Variants in KIF13B observed in about 807,000 individuals in gnomAD.
KIF13B encodes kinesin-like protein KIF13B.
A neutral mutation model predicts 222.0 loss-of-function variants in KIF13B; 127 were observed. The ratio of observed to expected loss-of-function variants is 0.57; its 90% CI spans 0.50 to 0.66. The LOEUF is 0.66. Ranked by LOEUF, KIF13B falls within the 30% of genes least tolerant of loss-of-function variation. The probability of loss-of-function intolerance (pLI) is 0.00; values close to 1 mark genes in which losing one functional copy is unlikely to be tolerated. For missense variants in KIF13B, 2,173 were observed against 2,379.0 expected (o/e 0.91, Z 1.80); for synonymous variants, 976 against 919.0 (o/e 1.06, Z -1.12).
chr8:29,096,185 G>A (rs1438241994), intron 36 of KIF13B, among the ~76,000 whole-genome samples: 1 of 151,272 alleles, frequency 6.6e-6, no homozygotes, highest in Non-Finnish European at 1.5e-5. Context: ...GTTTCCCCAT[G>A]TTGGCCAGGC....
chr8:29,261,826 C>T (rs1816690775), intron 1 of KIF13B, among the ~76,000 whole-genome samples: 3 of 151,990 alleles, frequency 2.0e-5, no homozygotes, highest in Admixed American at 2.0e-4. Flanking sequence ...AGCGAGAAAC[C>T]AATTTCCCCG....
rs1181593975 is a variant in KIF13B at position 29,262,872 on chromosome 8, C to T, written c.55+108G>A. ...CCCCGGGCCCCTCCTCGCGCCCCGC[C>T]GCTGACTATAGGGGCGGGGCCGCCG... is the stretch of plus-strand genomic sequence containing the variant. On this transcript the variant is annotated intron_variant, in intron 1 of 39. Transcript: ENST00000524189. The T allele has an allele frequency of 3.5e-6, 3 of 855,896 alleles. No individual in the cohort carries two copies. The East Asian group carries it at 1.0e-4, about 29-fold the overall frequency. The allele number at this position is 855,896 out of a possible 1,614,324, so 53.0% of individuals were successfully genotyped here.
Position 29,092,777 on chromosome 8 carries a change from T to C in KIF13B, c.4426A>G (p.Arg1476Gly), listed in dbSNP as rs1808359390. Residue 1476 changes from arginine (R) to glycine (G), a missense_variant, in exon 37 of 40, where the codon AGG becomes GGG. Physicochemically the swap from Arg to Gly is moderately radical, Grantham distance 125. Transcript: ENST00000524189. ...GCGAGGGGAGACGGCCGCTTGCCCC[T>C]CTTCTCATCGCGGACGGGAAAGAGA... ...KSLFPVRDEKRGKRPSPLAHQ... is the reference protein window; with the variant it reads ...KSLFPVRDEKGGKRPSPLAHQ... 6.2e-7 allele frequency: 1 copy of C among 1,613,436 alleles called. No individual in the cohort carries two copies. The highest frequency in any genetic ancestry group is 1.7e-5 in the Admixed American group (1 of 59,944).
intron 37 of KIF13B, among the ~76,000 whole-genome samples, chr8:29,080,060 C>T (rs1807731871): frequency 6.6e-6 from 1 of 152,144 alleles, no homozygotes; most frequent in Non-Finnish European, 1.5e-5. Context: ...AAATCAGACA[C>T]ATTGTGCAGT....
chr8:29,112,318 A>G (rs1252883280), intron 32 of KIF13B, among the ~76,000 whole-genome samples: 1 of 151,554 alleles, frequency 6.6e-6, no homozygotes, highest in East Asian at 1.9e-4. Context: ...CTGTAATCCC[A>G]GCTACTAGGG....
At chr8:29,244,095 C>CCT (rs1815910806) in intron 2 of KIF13B, among the ~76,000 whole-genome samples, 1 of 151,852 alleles carries the variant, frequency 6.6e-6, no homozygotes, top group Non-Finnish European at 1.5e-5. Flanking sequence ...CTCACTGCAA[C>CCT]CTCTGCCTCC....
At position 29,244,525 on chromosome 8, in the gene KIF13B, C is replaced by G. The variant is rs149981448; in HGVS notation, c.149+821G>C. 6.6e-4 allele frequency among the ~76,000 whole-genome samples: 101 copies of G among 152,348 alleles called. 1 individual carries two copies. In the East Asian group the frequency reaches 0.018, roughly 27 times the overall value. ...CAGCCTATCCCCACTCTGACCCATT[C>G]TCTACATTGCCAATCAACAACTTTT... On this transcript the variant is annotated intron_variant, in intron 2 of 39. Coordinates refer to ENST00000524189, the MANE Select transcript of KIF13B (RefSeq NM_015254.4).
chr8:29,247,530 T>A (rs888342565), intron 1 of KIF13B, among the ~76,000 whole-genome samples: 1 of 151,896 alleles, frequency 6.6e-6, no homozygotes, highest in South Asian at 2.1e-4. Flanking sequence ...TACAACTCAA[T>A]AATAAAAAGA....
chr8:29,197,336 C>CAAAAAAAAAA lies in KIF13B; in HGVS notation c.150-1147_150-1138dup, dbSNP rs71222598. On this transcript the variant is annotated intron_variant, in intron 2 of 39. Transcript: ENST00000524189. ...TGGGCGACAGAGCGAGACTCCGTCT[C>CAAAAAAAAAA]AAAAAAAAAAAAAAAAAAAAAAAAA... 1.0e-3 allele frequency among the ~76,000 whole-genome samples: 60 copies of CAAAAAAAAAA among 57,768 alleles called. 1 individual carries two copies. Among genetic ancestry groups the CAAAAAAAAAA allele is most frequent in the African/African-American group, 2.8e-3 (39 of 13,876 alleles). The allele number at this position is 57,768 out of a possible 152,430, so 37.9% of individuals were successfully genotyped here. A position where few individuals can be genotyped will look rare whatever the true frequency, so the allele number is the denominator to read the frequency against.
At chr8:29,109,256 T>C (rs929999700) in intron 34 of KIF13B, among the ~76,000 whole-genome samples, 178 bp downstream of exon 34, 2 of 152,072 alleles carry the variant, frequency 1.3e-5, no homozygotes, top group African/African-American at 4.8e-5. Context: ...ATAATATTAG[T>C]AGGAACAGGG....
chr8:29,140,642 A>G, intron 19 of KIF13B, 25 bp from the exon 20 acceptor site: 1 of 1,595,258 alleles, frequency 6.3e-7, no homozygotes, highest in Non-Finnish European at 8.6e-7. Context: ...AGAACACACA[A>G]CTTCAGAAAA....
At chr8:29,191,630 A>C (rs969356553) in intron 3 of KIF13B, among the ~76,000 whole-genome samples, 2 of 152,256 alleles carry the variant, frequency 1.3e-5, no homozygotes, top group Non-Finnish European at 2.9e-5. Context: ...TATGCATAAA[A>C]AGCAGGAACA....
intron 12 of KIF13B, among the ~76,000 whole-genome samples, chr8:29,162,383 T>C (rs1811819895): frequency 1.3e-5 from 2 of 152,210 alleles, no homozygotes; most frequent in South Asian, 4.1e-4. Context: ...AAATGTGTAT[T>C]TTGGTCCTGG....
At chr8:29,172,957 C>T (rs1340762438) in intron 10 of KIF13B, among the ~76,000 whole-genome samples, 1 of 151,690 alleles carries the variant, frequency 6.6e-6, no homozygotes, top group Non-Finnish European at 1.5e-5. Flanking sequence ...ACTCTGTCAC[C>T]AGGCTGGAAT....
At position 29,147,511 on chromosome 8, in the gene KIF13B, G is replaced by A. The variant is rs770776907; in HGVS notation, c.1905C>T (p.His635=). The A allele has an allele frequency of 4.3e-6, 7 of 1,613,516 alleles. No individual in the cohort carries two copies. Among genetic ancestry groups the A allele is most frequent in the African/African-American group, 4.0e-5 (3 of 74,898 alleles). The part of the protein sequence containing the change: ...ALERQRLMYE[H]ELEQLRRRLS... Reference sequence around the variant, plus strand: ...GCCTTCTCCGGAGCTGCTCCAATTCGTGCTCATACATAAGCCTCTGGCGCT... The same window carrying A: ...GCCTTCTCCGGAGCTGCTCCAATTCATGCTCATACATAAGCCTCTGGCGCT... Residue 635 remains histidine, a synonymous_variant, in exon 17 of 40, where the codon CAC becomes CAT. Coordinates refer to ENST00000524189, the MANE Select transcript of KIF13B (RefSeq NM_015254.4).
In KIF13B at chr8:29,071,775, G is replaced by A. The variant is rs1320802581; in HGVS notation, c.5063C>T (p.Ala1688Val). The change falls in exon 39 of 40, where the codon GCC becomes GTC. Residue 1688 changes from alanine (A) to valine (V), a missense_variant. This residue lies in a region of KIF13B where 693 missense variants were observed against 656.2 expected (regional missense o/e 1.06). Coordinates refer to ENST00000524189, the MANE Select transcript of KIF13B (RefSeq NM_015254.4). This position sits in a 1 kb window ranked among gnomAD's most constrained non-coding sequence, Gnocchi z 4.9. ...PAPGAGGQAL[A>V]SDSEEADEVP... Reference sequence around the variant, plus strand: ...CTCGTCAGCTTCCTCGGAATCAGAGGCCAGGGCCTGTCCCCCGGCGCCCGG... The same window carrying A: ...CTCGTCAGCTTCCTCGGAATCAGAGACCAGGGCCTGTCCCCCGGCGCCCGG... 10 of 1,548,740 alleles carry A rather than the reference G, an allele frequency of 6.5e-6. No individual in the cohort carries two copies. Among genetic ancestry groups the A allele is most frequent in the South Asian group, 1.2e-5 (1 of 84,048 alleles).
intron 2 of KIF13B, among the ~76,000 whole-genome samples, chr8:29,198,891 T>C: frequency 6.6e-6 from 1 of 151,708 alleles, no homozygotes; most frequent in East Asian, 1.9e-4. Flanking sequence ...GCATACAGAG[T>C]GATATAACGG....
At chr8:29,198,765 G>T (rs1813552982) in intron 2 of KIF13B, among the ~76,000 whole-genome samples, 1 of 152,196 alleles carries the variant, frequency 6.6e-6, no homozygotes, top group Admixed American at 6.5e-5. Flanking sequence ...TTCCCAATTT[G>T]CAGCACCTTA....
chr8:29,134,383 A>G (rs931945696), intron 21 of KIF13B, among the ~76,000 whole-genome samples, 173 bp from the exon 22 acceptor site: 4 of 152,230 alleles, frequency 2.6e-5, no homozygotes, highest in African/African-American at 4.8e-5. Flanking sequence ...AGTGGTAGCA[A>G]TGATTATATT....
Sources: allele counts gnomAD v4.1 joint callset (sites outside exome capture counted in the v4.1 genomes callset), GRCh38; gene constraint gnomAD v4.1.1; regional missense constraint gnomAD v4.1.1; non-coding constraint Gnocchi (gnomAD v3.1); transcripts MANE v1.5; gene names NCBI Gene and HGNC (gene_info 2026-07-23, HGNC 2026-07-21).